Variants in EI24 observed in about 807,000 individuals in gnomAD.
EI24 encodes the protein EI24 autophagy associated transmembrane protein.
EI24 carries 21 observed loss-of-function variants against 48.6 expected under a neutral mutation model. The ratio of observed to expected loss-of-function variants is 0.43; its 90% CI spans 0.31 to 0.62. EI24 has a LOEUF of 0.62. Ranked by LOEUF, EI24 falls within the 20% of genes least tolerant of loss-of-function variation. The pLI is 0.10. For missense variants in EI24, 280 were observed against 410.5 expected (o/e 0.68, Z 2.75); for synonymous variants, 114 against 145.5 (o/e 0.78, Z 1.56).
At chr11:125,574,446 A>G (rs1938653597) in intron 2 of EI24, among the ~76,000 whole-genome samples, 1 of 152,184 alleles carries the variant, frequency 6.6e-6, no homozygotes, top group East Asian at 1.9e-4. Context: ...AAGAGTAAAA[A>G]TTACTCAGAC....
rs1157897028 is a variant in EI24, at chr11:125,583,705, A to G, written c.*22A>G. 1.2e-6 allele frequency: 2 copies of G among 1,605,938 alleles called. No homozygotes were observed. Among genetic ancestry groups the G allele is most frequent in the Admixed American group, 1.7e-5 (1 of 58,790 alleles). On this transcript the variant is annotated 3_prime_UTR_variant, in exon 11 of 11. Transcript: ENST00000278903. ...CTGAGTTGCCTGCCATCCAAAGGGG[A>G]TGGGCGGGATTGGAAGAAGCTGTGG...
At chr11:125,578,667 C>T (rs1199468645) in intron 6 of EI24, among the ~76,000 whole-genome samples, 4 of 151,788 alleles carry the variant, frequency 2.6e-5, no homozygotes, top group African/African-American at 7.3e-5. Context: ...CAGGGTTTCA[C>T]CATGTTGGCC....
At chr11:125,582,282 T>C in intron 9 of EI24, 64 bp from the exon 10 acceptor site, 1 of 1,397,734 alleles carries the variant, frequency 7.2e-7, no homozygotes, top group Non-Finnish European at 9.6e-7. Flanking sequence ...GCTTCTAATA[T>C]CTTCTTCAAA....
At chr11:125,579,136 T>G (rs1184462969) in intron 7 of EI24, 68 bp downstream of exon 7, 9 of 1,458,702 alleles carry the variant, frequency 6.2e-6, no homozygotes, top group Non-Finnish European at 7.4e-6. Flanking sequence ...TAGAGAGAAC[T>G]TCACAAAGAC....
At chr11:125,571,747 G>A (rs559423940) in intron 1 of EI24, among the ~76,000 whole-genome samples, 140 of 152,144 alleles carry the variant, frequency 9.2e-4, no homozygotes, top group African/African-American at 3.3e-3. Context: ...GCGTGGTGGC[G>A]GGTTCCTGTA....
chr11:125,572,404 G>A lies in EI24; in HGVS notation c.-70-54G>A. On this transcript the variant is annotated intron_variant, in intron 1 of 10. Coordinates refer to ENST00000278903, the MANE Select transcript of EI24 (RefSeq NM_004879.5). ...GTCATCATGTGGAAATGTGCATGAA[G>A]TAACTTATCTTTAAAATAAATATTT... 1.4e-5 allele frequency: 12 copies of A among 866,424 alleles called. No homozygotes were observed. The Middle Eastern group carries it at 2.7e-3, about 193-fold the overall frequency. The allele number at this position is 866,424 out of a possible 1,614,324, so 53.7% of individuals were successfully genotyped here.
At chr11:125,581,470 G>A (rs911974888) in intron 9 of EI24, 148 bp downstream of exon 9, 10 of 362,538 alleles carry the variant, frequency 2.8e-5, no homozygotes, top group African/African-American at 1.9e-4. Context: ...TTGTTAGCAT[G>A]AAGATCTAGT....
Position 125,583,680 on chromosome 11 carries a change from C to T in EI24, c.1020C>T (p.His340=), listed in dbSNP as rs1939106127. ...SPAKLKATAG[H] ...CCAAACTGAAGGCTACTGCAGGTCA[C>T]TGAGTTGCCTGCCATCCAAAGGGGA... Residue 340 remains histidine, a synonymous_variant, in exon 11 of 11, where the codon CAC becomes CAT. Transcript: ENST00000278903. The T allele has an allele frequency of 1.2e-6, 2 of 1,611,870 alleles. No homozygotes were observed. Among genetic ancestry groups the T allele is most frequent in the Non-Finnish European group, 1.7e-6 (2 of 1,179,026 alleles).
rs2135881703 is a variant in EI24 at position 125,584,429 on chromosome 11, A to C, written c.*746A>C. ...ATTCTGGACAAGTGCCACTACAACA[A>C]CACTAAACCTGAACTTTTCAACTCC... is the stretch of plus-strand genomic sequence containing the variant. On this transcript the variant is annotated 3_prime_UTR_variant, in exon 11 of 11. Transcript: ENST00000278903. The C allele has an allele frequency of 6.5e-6, 1 of 152,758 alleles. No homozygotes were observed. The highest frequency in any genetic ancestry group is 1.5e-5 in the Non-Finnish European group (1 of 68,034). The allele number at this position is 152,758 out of a possible 1,614,324, so 9.5% of individuals were successfully genotyped here.
At chr11:125,578,532 T>C (rs948625682) in intron 6 of EI24, among the ~76,000 whole-genome samples, 2 of 142,820 alleles carry the variant, frequency 1.4e-5, no homozygotes, top group African/African-American at 5.2e-5. Context: ...TCGCCCAGGC[T>C]GGAGTGCACT....
intron 1 of EI24, among the ~76,000 whole-genome samples, chr11:125,571,789 A>C (rs1320000733): frequency 1.3e-5 from 2 of 152,172 alleles, no homozygotes; most frequent in East Asian, 3.9e-4. Context: ...GAGGCAAGAG[A>C]ATCACTTGAA....
In EI24 at chr11:125,579,676, A is replaced by G. The variant is rs375714146; in HGVS notation, c.562-417A>G. 2.0e-5 allele frequency among the ~76,000 whole-genome samples: 3 copies of G among 152,142 alleles called. No individual in the cohort carries two copies. In the East Asian group the frequency reaches 5.8e-4, roughly 29 times the overall value. ...GAGCAAAACTGTCTCAAAAATAAAT[A>G]AATAAATAAAAGACAGGGTCTTATT... On this transcript the variant is annotated intron_variant, in intron 7 of 10. Transcript: ENST00000278903.
At chr11:125,574,178 G>A (rs1168141749) in intron 2 of EI24, among the ~76,000 whole-genome samples, 1 of 151,852 alleles carries the variant, frequency 6.6e-6, no homozygotes, top group Non-Finnish European at 1.5e-5. Flanking sequence ...GTTTGAACCT[G>A]GGAGGTAGAG....
chr11:125,580,154 T>C lies in EI24; in HGVS notation c.623T>C (p.Met208Thr). 6.2e-7 allele frequency: 1 copy of C among 1,613,912 alleles called. No individual in the cohort carries two copies. The change falls in exon 8 of 11, where the codon ATG becomes ACG. Residue 208 changes from methionine (M) to threonine (T), a missense_variant. Physicochemically the swap from Met to Thr is moderately conservative, Grantham distance 81 (BLOSUM62 -1). Coordinates refer to ENST00000278903, the MANE Select transcript of EI24 (RefSeq NM_004879.5). ...GGTCAGCTGGTTAGTCTCCTGCATA[T>C]GTCCCTTCTCTACTCACTGTACTGC... ...LVGQLVSLLH[M>T]SLLYSLYCFE... is the part of the protein sequence containing the mutation.
intron 2 of EI24, 101 bp downstream of exon 2, chr11:125,572,670 T>C (rs1464606135): frequency 8.9e-7 from 1 of 1,120,212 alleles, no homozygotes; most frequent in Non-Finnish European, 1.3e-6. Context: ...ACTTTTATCA[T>C]ATTTCTTGGG....
intron 2 of EI24, 156 bp from the exon 3 acceptor site, chr11:125,575,107 C>A: frequency 1.9e-6 from 1 of 524,018 alleles, no homozygotes; most frequent in Non-Finnish European, 3.2e-6. Flanking sequence ...CACATCTGTA[C>A]TCATAGCTCT....
chr11:125,575,996 G>A, intron 3 of EI24: 1 of 456,774 alleles, frequency 2.2e-6, no homozygotes, highest in Non-Finnish European at 4.0e-6. Context: ...TTGCCATGTT[G>A]GCCAGGCTGG....
At chr11:125,571,429 A>T (rs1230438684) in intron 1 of EI24, among the ~76,000 whole-genome samples, 1 of 152,212 alleles carries the variant, frequency 6.6e-6, no homozygotes, top group African/African-American at 2.4e-5. Flanking sequence ...TAATTTTTGA[A>T]ACTAGATATC....
intron 6 of EI24, 50 bp from the exon 7 acceptor site, chr11:125,578,899 G>A: frequency 6.5e-7 from 1 of 1,542,028 alleles, no homozygotes; most frequent in Non-Finnish European, 8.8e-7. Context: ...CTTTGGGGAT[G>A]TATATCAAGG....
Sources: allele counts gnomAD v4.1 joint callset (sites outside exome capture counted in the v4.1 genomes callset), GRCh38; gene constraint gnomAD v4.1.1; transcripts MANE v1.5; gene names NCBI Gene and HGNC (gene_info 2026-07-23, HGNC 2026-07-21).